BTNL9: variants seen among roughly 807,000 people sequenced by gnomAD.
BTNL9 encodes butyrophilin like 9, also known as butyrophilin-like protein 9.
BTNL9 carries 45 observed loss-of-function variants against 45.8 expected under a neutral mutation model. The ratio of observed to expected loss-of-function variants is 0.98; its 90% confidence interval spans 0.77 to 1.26. The LOEUF (loss-of-function observed/expected upper bound fraction) is 1.26, where lower values mean the gene tolerates loss of function less well. Ranked by LOEUF, BTNL9 falls within the 50% of genes most tolerant of loss-of-function variation. The pLI is 0.00. For synonymous variants in BTNL9, 346 were observed against 330.8 expected, an observed-to-expected ratio of 1.05 and a Z score of -0.50; for missense variants, 784 against 729.7, an observed-to-expected ratio of 1.07 and a Z score of -0.86.
In BTNL9 at chr5:181,055,912, G is replaced by A; in HGVS notation, c.929-77G>A. On this transcript the variant is annotated intron_variant, in intron 8 of 10. Transcript: ENST00000327705. This position sits in a 1 kb window ranked among gnomAD's most constrained non-coding sequence, Gnocchi z 4.4. ...TGGTGGGGGGTGCGGGACAGGGTGG[G>A]TGCAAGATGTGATGTGTGAGCAGGG... is the stretch of plus-strand genomic sequence containing the variant. 3 of 1,563,854 alleles carry A rather than the reference G, an allele frequency of 1.9e-6. No individual in the cohort carries two copies. Among genetic ancestry groups the A allele is most frequent in the African/African-American group, 1.4e-5 (1 of 73,976 alleles).
chr5:181,045,673 C>T, intron 2 of BTNL9, 75 bp downstream of exon 2: 1 of 1,194,192 alleles, frequency 8.4e-7, no homozygotes, highest in Non-Finnish European at 1.2e-6. Context: ...GGGCTACGAT[C>T]TTAGCACAGT....
chr5:181,044,090 T>C (rs115072609), intron 1 of BTNL9, among the ~76,000 whole-genome samples: 5,894 of 152,268 alleles, frequency 0.039, 169 homozygotes, highest in African/African-American at 0.079. Flanking sequence ...CATCAGCCCA[T>C]GCGCCTCACA....
chr5:181,059,082 C>A, intron 10 of BTNL9, 155 bp from the exon 11 acceptor site: 2 of 879,634 alleles, frequency 2.3e-6, no homozygotes, highest in Non-Finnish European at 2.7e-6. Context: ...CCACTTCAGT[C>A]CTGGGGAGGG....
In BTNL9 at chr5:181,042,469, A is replaced by G. The variant is rs185045072; in HGVS notation, c.-24+2037A>G. Among the ~76,000 whole-genome samples, 2 of 152,316 alleles carry G rather than the reference A, an allele frequency of 1.3e-5. No individual in the cohort carries two copies. The highest frequency in any genetic ancestry group is 2.1e-4 in the South Asian group (1 of 4,824). On this transcript the variant is annotated intron_variant, in intron 1 of 10. Coordinates refer to ENST00000327705, the MANE Select transcript of BTNL9 (RefSeq NM_152547.5). This position sits in a 1 kb window ranked among gnomAD's most constrained non-coding sequence, Gnocchi z 4.5. The stretch of plus-strand genomic sequence containing the variant: ...CGAGGAGGGGACTTACGCTTCAAGT[A>G]AGGATTGAGCACCCTGGATCCTTAA...
At position 181,059,388 on chromosome 5, in the gene BTNL9, G is replaced by T; in HGVS notation, c.1134G>T (p.Arg378=). The T allele has an allele frequency of 2.6e-6, 4 of 1,525,754 alleles. No homozygotes were observed. The highest frequency in any genetic ancestry group is 8.8e-7 in the Non-Finnish European group (1 of 1,139,692). 94.5% of individuals were successfully genotyped at this position (1,525,754 alleles called of 1,614,324 possible). The part of the protein sequence containing the change: ...SEQTCALSLE[R]FSAGRHYWEV... ...AGACGTGCGCGCTGAGCCTGGAGCG[G>T]TTCTCCGCCGGCCGCCACTACTGGG... The change falls in exon 11 of 11, where the codon CGG becomes CGT. Residue 378 remains arginine (R), a synonymous_variant. Transcript: ENST00000327705.
chr5:181,053,571 G>T lies in BTNL9; in HGVS notation c.886+70G>T. 2 of 1,551,940 alleles carry T rather than the reference G, an allele frequency of 1.3e-6. No homozygotes were observed. The highest frequency in any genetic ancestry group is 1.7e-6 in the Non-Finnish European group (2 of 1,147,550). ...AAACCCGCCGTCATCTAAAGGCTGT[G>T]GGTCCCGTTACGAGGGTTTATTCCA... On this transcript the variant is annotated intron_variant, in intron 6 of 10. Transcript: ENST00000327705. This position sits in a 1 kb window ranked among gnomAD's most constrained non-coding sequence, Gnocchi z 6.5.
intron 4 of BTNL9, among the ~76,000 whole-genome samples, chr5:181,051,078 CAAAAAAAAAACAAA>C (rs1761509409): frequency 2.2e-5 from 1 of 44,688 alleles, no homozygotes; most frequent in Non-Finnish European, 4.6e-5. Context: ...GAATCCGTCT[CAAAAAAAAAACAAA>C]AAAAAAAAAA....
In BTNL9 at chr5:181,061,075, T is replaced by C. The variant is rs6877992; in HGVS notation, c.*1213T>C. The C allele has an allele frequency of 0.59, 90,487 of 152,234 alleles. 27,340 individuals are homozygous for C. The highest frequency in any genetic ancestry group is 0.7 in the South Asian group (3,359 of 4,828). The allele number at this position is 152,234 out of a possible 1,614,324, so 9.4% of individuals were successfully genotyped here. On this transcript the variant is annotated 3_prime_UTR_variant, in exon 11 of 11. Transcript: ENST00000327705. The stretch of plus-strand genomic sequence containing the variant: ...GTGTACAGGCATGAGCCGCTGTGCC[T>C]GGCTTCATTTTCAGAGTGAGACATT...
chr5:181,051,999 C>T (rs771925883), intron 4 of BTNL9, among the ~76,000 whole-genome samples: 81 of 151,912 alleles, frequency 5.3e-4, no homozygotes, highest in Non-Finnish European at 9.6e-4. Flanking sequence ...CGGCTGCTGG[C>T]AGAACAGCGA....
chr5:181,045,379 G>A, intron 1 of BTNL9, 88 bp from the exon 2 acceptor site: 1 of 713,306 alleles, frequency 1.4e-6, no homozygotes, highest in Non-Finnish European at 2.5e-6. Flanking sequence ...AAATAACTGA[G>A]GCCACAACAG....
In BTNL9 at chr5:181,059,756, C is replaced by T. The variant is rs749970809; in HGVS notation, c.1502C>T (p.Thr501Ile). 6.8e-6 allele frequency: 11 copies of T among 1,612,228 alleles called. No individual in the cohort carries two copies. The highest frequency in any genetic ancestry group is 1.7e-6 in the Non-Finnish European group (2 of 1,179,892). Reference sequence around the variant, plus strand: ...GGCGGCGAACATCCGGATCCCCTGACCATCTGCCCGCTGCCGGTTAGAGGG... The same window carrying T: ...GGCGGCGAACATCCGGATCCCCTGATCATCTGCCCGCTGCCGGTTAGAGGG... ...HDGGEHPDPL[T>I]ICPLPVRGTG... The change falls in exon 11 of 11, where the codon ACC (threonine) becomes ATC (isoleucine). Residue 501 changes from threonine to isoleucine, a missense_variant. By Grantham distance (89) the Thr-to-Ile change is moderately conservative. Coordinates refer to ENST00000327705, the MANE Select transcript of BTNL9 (RefSeq NM_152547.5).
At chr5:181,048,874 A>G (rs1433522727) in intron 3 of BTNL9, among the ~76,000 whole-genome samples, 3 of 116,328 alleles carry the variant, frequency 2.6e-5, no homozygotes, top group Non-Finnish European at 3.6e-5. Flanking sequence ...TATATTAGTT[A>G]TATAATATAT....
chr5:181,059,586 G>C lies in BTNL9; in HGVS notation c.1332G>C (p.Val444=). ...APHRVALTLR[V]PPRRLGVFLD... is the part of the protein sequence containing the mutation. ...ACCGCGTCGCGCTCACCCTGCGCGTGCCCCCGCGGCGCCTGGGCGTCTTCC... is the reference window on the plus strand; with the variant it reads ...ACCGCGTCGCGCTCACCCTGCGCGTCCCCCCGCGGCGCCTGGGCGTCTTCC... Residue 444 remains valine (V), a synonymous_variant, in exon 11 of 11, where the codon GTG becomes GTC. Transcript: ENST00000327705. The C allele has an allele frequency of 2.5e-6, 4 of 1,612,844 alleles. No individual in the cohort carries two copies. The highest frequency in any genetic ancestry group is 3.4e-6 in the Non-Finnish European group (4 of 1,179,862).
chr5:181,060,107 G>T lies in BTNL9; in HGVS notation c.*245G>T. ...AGCGAAGGAGTACAAATATATCCAC[G>T]TCGCTCAGAGCTGGGGTGCTCACGG... On this transcript the variant is annotated 3_prime_UTR_variant, in exon 11 of 11. Coordinates refer to ENST00000327705, the MANE Select transcript of BTNL9 (RefSeq NM_152547.5). 2.0e-6 allele frequency: 1 copy of T among 500,382 alleles called. No homozygotes were observed. Among genetic ancestry groups the T allele is most frequent in the South Asian group, 3.9e-5 (1 of 25,956 alleles). The allele number at this position is 500,382 out of a possible 1,614,324, so 31.0% of individuals were successfully genotyped here.
intron 2 of BTNL9, 31 bp downstream of exon 2, chr5:181,045,629 T>C (rs1238800311): frequency 6.5e-7 from 1 of 1,549,770 alleles, no homozygotes; most frequent in Admixed American, 1.7e-5. Flanking sequence ...CTGGCCAGGA[T>C]GTGAACGCCA....
chr5:181,054,091 A>G, intron 6 of BTNL9, 148 bp from the exon 7 acceptor site: 1 of 1,551,414 alleles, frequency 6.4e-7, no homozygotes, highest in Non-Finnish European at 8.7e-7. Flanking sequence ...CCTCACTTCC[A>G]GCCCAGCCTG....
Position 181,042,180 on chromosome 5 carries a change from A to C in BTNL9, c.-24+1748A>C, listed in dbSNP as rs1760805879. Among the ~76,000 whole-genome samples the C allele has an allele frequency of 6.6e-6, 1 of 152,212 alleles. No individual in the cohort carries two copies. ...CTGGGTGCAGGCAGTGACATTTCTCAGGACCCCTTATTTCTCCCTGTGCCT... is the reference window on the plus strand; with the variant it reads ...CTGGGTGCAGGCAGTGACATTTCTCCGGACCCCTTATTTCTCCCTGTGCCT... On this transcript the variant is annotated intron_variant, in intron 1 of 10. Transcript: ENST00000327705. The surrounding 1 kb of genome is among the most constrained non-coding windows in gnomAD (Gnocchi z 4.5).
intron 10 of BTNL9, 136 bp downstream of exon 10, chr5:181,058,514 G>A (rs1241702696): frequency 2.0e-5 from 24 of 1,175,434 alleles, no homozygotes; most frequent in Admixed American, 3.5e-5. Flanking sequence ...AGACACACAC[G>A]CACACTTGCA....
Position 181,050,023 on chromosome 5 carries a change from C to T in BTNL9, c.455-65C>T, listed in dbSNP as rs1284842987. 9.1e-6 allele frequency: 14 copies of T among 1,542,904 alleles called. No homozygotes were observed. Among genetic ancestry groups the T allele is most frequent in the Non-Finnish European group, 1.2e-5 (14 of 1,138,268 alleles). On this transcript the variant is annotated intron_variant, in intron 3 of 10. Transcript: ENST00000327705. The surrounding 1 kb of genome is among the most constrained non-coding windows in gnomAD (Gnocchi z 4.9). ...GGTGACTGCAAATGCTGAACAGTGGCAGGAATGTTATGCGTGATTTCTCAG... is the reference window on the plus strand; with the variant it reads ...GGTGACTGCAAATGCTGAACAGTGGTAGGAATGTTATGCGTGATTTCTCAG...
Sources: gnomAD v4.1 joint callset for allele counts (sites outside exome capture counted in the v4.1 genomes callset) on GRCh38, gnomAD v4.1.1 for gene constraint, Gnocchi (gnomAD v3.1) non-coding constraint, MANE v1.5 for transcripts, NCBI Gene and HGNC (gene_info 2026-07-23, HGNC 2026-07-21) for gene names.